NELFB: variants seen among roughly 807,000 people sequenced by gnomAD.
NELFB encodes the protein negative elongation factor B.
In NELFB, 34 loss-of-function variants were observed where a neutral mutation model predicts 60.2. That is an observed-to-expected ratio of 0.56 (90% CI 0.43 to 0.75). The LOEUF (loss-of-function observed/expected upper bound fraction) is 0.75, where lower values mean the gene tolerates loss of function less well. NELFB is among the 30% of genes least tolerant of loss of function. The pLI is 0.00. For synonymous variants in NELFB, 459 were observed against 382.1 expected (o/e 1.20, Z -2.35); for missense variants, 770 against 831.6 (o/e 0.93, Z 0.91).
At chr9:137,262,698 G>T (rs1398535696) in intron 4 of NELFB, among the ~76,000 whole-genome samples, 2 of 152,302 alleles carry the variant, frequency 1.3e-5, no homozygotes, top group East Asian at 3.9e-4. Flanking sequence ...GGGTGTCGTG[G>T]CATGCAATTG....
In NELFB at chr9:137,255,788, G is replaced by A. The variant is rs1045838844; in HGVS notation, c.247-119G>A. The stretch of plus-strand genomic sequence containing the variant: ...GCTGGACGGCTGGGTGGCTTTCGGT[G>A]GCTGCGGTTACCGCCAGCACGGCTG... On this transcript the variant is annotated intron_variant, in intron 1 of 12. Transcript: ENST00000343053. 3 of 1,526,984 alleles carry A rather than the reference G, an allele frequency of 2.0e-6. No individual in the cohort carries two copies. The African/African-American group carries it at 4.1e-5, about 21-fold the overall frequency. 94.6% of individuals were successfully genotyped at this position (1,526,984 alleles called of 1,614,324 possible).
chr9:137,258,353 G>T (rs1207312215), intron 4 of NELFB, among the ~76,000 whole-genome samples: 1 of 150,632 alleles, frequency 6.6e-6, no homozygotes, highest in African/African-American at 2.4e-5. Flanking sequence ...CGAACTCCTG[G>T]GCTCAAGTAA....
Position 137,266,207 on chromosome 9 carries a change from ATCGC to A in NELFB, c.1144-123_1144-120del, listed in dbSNP as rs1475346314. On this transcript the variant is annotated intron_variant, in intron 7 of 12. Coordinates refer to ENST00000343053, the MANE Select transcript of NELFB (RefSeq NM_015456.5). ...TTTCACCCCGTGTGTGGGGCTGGTGATCGCAGTCGTGTGGTCCTGGCCATGGGCA... is the reference window on the plus strand; with the variant it reads ...TTTCACCCCGTGTGTGGGGCTGGTGAAGTCGTGTGGTCCTGGCCATGGGCA... The A allele has an allele frequency of 1.3e-4, 110 of 859,988 alleles. 2 individuals are homozygous for A. The East Asian group carries it at 1.4e-3, about 11-fold the overall frequency. 53.3% of individuals were successfully genotyped at this position (859,988 alleles called of 1,614,324 possible).
At chr9:137,256,536 C>A in intron 3 of NELFB, 108 bp downstream of exon 3, 2 of 981,260 alleles carry the variant, frequency 2.0e-6, no homozygotes, top group Non-Finnish European at 3.1e-6. Context: ...TCCTGTGCTG[C>A]CTGCCCAAGT....
chr9:137,256,724 A>T lies in NELFB; in HGVS notation c.511-100A>T, dbSNP rs890974604. On this transcript the variant is annotated intron_variant, in intron 3 of 12. Transcript: ENST00000343053. Reference sequence around the variant, plus strand: ...ATAGGTGCCCTGTGGGGTGGAGCTTAGCTCGAGGTGGTCTCTGCGGGGCTG... The same window carrying T: ...ATAGGTGCCCTGTGGGGTGGAGCTTTGCTCGAGGTGGTCTCTGCGGGGCTG... 26 of 1,105,300 alleles carry T rather than the reference A, an allele frequency of 2.4e-5. No homozygotes were observed. The South Asian group carries it at 3.8e-4, about 16-fold the overall frequency. The allele number at this position is 1,105,300 out of a possible 1,614,324, so 68.5% of individuals were successfully genotyped here.
chr9:137,265,913 C>T lies in NELFB; in HGVS notation c.1077C>T (p.Ile359=). The change falls in exon 7 of 13, where the codon ATC becomes ATT. Residue 359 remains isoleucine (I), a synonymous_variant. Transcript: ENST00000343053. ...TGATCCTGTGTGACCCCTTCGCCAT[C>T]AACACGCTGGCACTGAGCACAGTCA... The T allele has an allele frequency of 6.2e-7, 1 of 1,613,254 alleles. No homozygotes were observed. The highest frequency in any genetic ancestry group is 8.5e-7 in the Non-Finnish European group (1 of 1,179,936).
intron 2 of NELFB, 89 bp downstream of exon 2, chr9:137,256,159 TC>T: frequency 6.8e-7 from 1 of 1,465,378 alleles, no homozygotes; most frequent in Non-Finnish European, 9.5e-7. Context: ...TCCTTTTGGC[TC>T]CACATCCTTG....
chr9:137,256,151 C>A, intron 2 of NELFB, 81 bp downstream of exon 2: 1 of 1,489,804 alleles, frequency 6.7e-7, no homozygotes, highest in Non-Finnish European at 9.3e-7. Context: ...ATTTATTGTC[C>A]TTTTGGCTCC....
Position 137,256,081 on chromosome 9 carries a change from G to A in NELFB, c.410+11G>A. 6.2e-7 allele frequency: 1 copy of A among 1,611,090 alleles called. No homozygotes were observed. The highest frequency in any genetic ancestry group is 8.5e-7 in the Non-Finnish European group (1 of 1,178,114). ...GAAGGCTGAGGAAAGGTGGGTCAGCGGGAGGGGTGGGCAGGTGAGATGTGC... is the reference window on the plus strand; with the variant it reads ...GAAGGCTGAGGAAAGGTGGGTCAGCAGGAGGGGTGGGCAGGTGAGATGTGC... On this transcript the variant is annotated intron_variant, in intron 2 of 12. Transcript: ENST00000343053.
At position 137,266,432 on chromosome 9, in the gene NELFB, G is replaced by A. The variant is rs1460644764; in HGVS notation, c.1239+6G>A. The A allele has an allele frequency of 8.1e-6, 13 of 1,611,622 alleles. No homozygotes were observed. The highest frequency in any genetic ancestry group is 1.1e-5 in the Non-Finnish European group (13 of 1,179,144). On this transcript the variant is annotated splice_donor_region_variant and intron_variant, in intron 8 of 12. Coordinates refer to ENST00000343053, the MANE Select transcript of NELFB (RefSeq NM_015456.5). Reference sequence around the variant, plus strand: ...TCTTCAAGGAGCCCAAGATGGTAACGAGCCTCCTGTGGGGGCTGCCAGTTT... The same window carrying A: ...TCTTCAAGGAGCCCAAGATGGTAACAAGCCTCCTGTGGGGGCTGCCAGTTT...
intron 4 of NELFB, among the ~76,000 whole-genome samples, chr9:137,261,833 G>T (rs982781369): frequency 3.9e-5 from 6 of 151,982 alleles, no homozygotes; most frequent in Middle Eastern, 3.4e-3. Context: ...ACTGGTAGTG[G>T]CCCCGAATGT....
chr9:137,261,795 G>A (rs939788314), intron 4 of NELFB, among the ~76,000 whole-genome samples: 2 of 152,042 alleles, frequency 1.3e-5, no homozygotes, highest in African/African-American at 4.8e-5. Flanking sequence ...AGCTGGGCCC[G>A]GGGGACCATT....
intron 2 of NELFB, 122 bp from the exon 3 acceptor site, chr9:137,256,207 C>T: frequency 3.0e-6 from 4 of 1,342,044 alleles, no homozygotes; most frequent in Admixed American, 3.5e-5. Context: ...CTGAGTGACC[C>T]CTTGACCCAT....
chr9:137,255,980 T>TG lies in NELFB; in HGVS notation c.322dup (p.Glu108GlyfsTer9). 1 of 1,613,902 alleles carries TG rather than the reference T, an allele frequency of 6.2e-7. No individual in the cohort carries two copies. The highest frequency in any genetic ancestry group is 8.5e-7 in the Non-Finnish European group (1 of 1,180,004). On this transcript the variant is annotated frameshift_variant, in exon 2 of 13. Coordinates refer to ENST00000343053, the MANE Select transcript of NELFB (RefSeq NM_015456.5). LOFTEE classifies it high-confidence loss of function. ...TTGGACCTGCACGGGACGCCGCGGC[T>TG]GGAGTTCCACCAGTCGGTATTCGAT... is the stretch of plus-strand genomic sequence containing the variant.
Position 137,256,325 on chromosome 9 carries a change from C to G in NELFB, c.411-4C>G. ...TGCACCATCAATCCTGTGAGTTGTTCCAGGTACAAGAAGCTGGAAGACCTT... is the reference window on the plus strand; with the variant it reads ...TGCACCATCAATCCTGTGAGTTGTTGCAGGTACAAGAAGCTGGAAGACCTT... On this transcript the variant is annotated splice_region_variant and splice_polypyrimidine_tract_variant and intron_variant, in intron 2 of 12. Transcript: ENST00000343053. The G allele has an allele frequency of 6.2e-7, 1 of 1,613,290 alleles. No individual in the cohort carries two copies. The highest frequency in any genetic ancestry group is 1.3e-5 in the African/African-American group (1 of 75,042).
intron 4 of NELFB, among the ~76,000 whole-genome samples, chr9:137,257,329 C>T (rs1302259858): frequency 6.6e-6 from 1 of 152,178 alleles, no homozygotes; most frequent in Non-Finnish European, 1.5e-5. Flanking sequence ...CCCTCCCCTA[C>T]TTTTTTTCTT....
chr9:137,256,530 G>GTGC, intron 3 of NELFB, 102 bp downstream of exon 3: 1 of 1,048,922 alleles, frequency 9.5e-7, no homozygotes, highest in Non-Finnish European at 1.4e-6. Context: ...GGAGCTTCCT[G>GTGC]TGCTGCCTGC....
chr9:137,270,280 CAAA>C (rs989557010), intron 10 of NELFB, among the ~76,000 whole-genome samples: 11 of 53,296 alleles, frequency 2.1e-4, no homozygotes, highest in African/African-American at 4.8e-4. Flanking sequence ...GACTCCGTCT[CAAA>C]AAAAAAAAAA....
chr9:137,256,144 TA>T, intron 2 of NELFB, 74 bp downstream of exon 2: 1 of 1,521,164 alleles, frequency 6.6e-7, no homozygotes, highest in Non-Finnish European at 9.1e-7. Flanking sequence ...CAGGGGCATT[TA>T]TTGTCCTTTT....
Sources: allele counts gnomAD v4.1 joint callset (sites outside exome capture counted in the v4.1 genomes callset), GRCh38; gene constraint gnomAD v4.1.1; transcripts MANE v1.5; gene names NCBI Gene and HGNC (gene_info 2026-07-23, HGNC 2026-07-21).